The following CDKAL1 variants were observed in gnomAD, a reference collection of about 807,000 sequenced individuals.
The protein encoded by CDKAL1 is CDKAL1 threonylcarbamoyladenosine tRNA methylthiotransferase.
A neutral mutation model predicts 68.2 loss-of-function variants in CDKAL1; 32 were observed. The observed-to-expected ratio is 0.47, with a 90% confidence interval of 0.35 to 0.63. The LOEUF (loss-of-function observed/expected upper bound fraction) is 0.63, where lower values mean the gene tolerates loss of function less well. CDKAL1 is among the 30% of genes least tolerant of loss of function. CDKAL1 has a pLI of 0.00. For synonymous variants in CDKAL1, 234 were observed against 244.3 expected (o/e 0.96, Z 0.39); for missense variants, 606 against 696.7 (o/e 0.87, Z 1.47).
At chr6:21,193,566 A>G (rs1333712225) in intron 13 of CDKAL1, among the ~76,000 whole-genome samples, 2 of 152,208 alleles carry the variant, frequency 1.3e-5, no homozygotes, top group East Asian at 1.9e-4. Flanking sequence ...GGCCCAAAAC[A>G]TAGTCAGGTC....
chr6:20,994,447 C>G (rs1766998137), intron 10 of CDKAL1, among the ~76,000 whole-genome samples: 1 of 152,220 alleles, frequency 6.6e-6, no homozygotes, highest in African/African-American at 2.4e-5. Flanking sequence ...CCTCTGCACT[C>G]CAGCCTGGGT....
intron 9 of CDKAL1, among the ~76,000 whole-genome samples, chr6:20,877,553 A>C (rs541605752): frequency 6.6e-6 from 1 of 151,994 alleles, no homozygotes; most frequent in East Asian, 1.9e-4. Context: ...TTTACTAGTG[A>C]CTCACTGTGT....
chr6:20,914,476 A>T (rs1371766053), intron 9 of CDKAL1, among the ~76,000 whole-genome samples: 2 of 151,172 alleles, frequency 1.3e-5, no homozygotes, highest in East Asian at 1.9e-4. Context: ...TGTGTTTATC[A>T]TTTTTTCCTT....
intron 9 of CDKAL1, among the ~76,000 whole-genome samples, chr6:20,940,460 G>A (rs1021061580): frequency 2.0e-5 from 3 of 152,016 alleles, no homozygotes; most frequent in Non-Finnish European, 2.9e-5. Context: ...TCTAGTAGCC[G>A]CATTAAAAAA....
At chr6:21,000,829 C>T (rs941212849) in intron 11 of CDKAL1, among the ~76,000 whole-genome samples, 42 of 152,138 alleles carry the variant, frequency 2.8e-4, no homozygotes, top group African/African-American at 9.4e-4. Context: ...CTTTTACACA[C>T]GAAGCCCTGC....
At chr6:21,206,121 A>G (rs368955526) in intron 15 of CDKAL1, among the ~76,000 whole-genome samples, 40 of 151,962 alleles carry the variant, frequency 2.6e-4, no homozygotes, top group East Asian at 7.7e-4. Flanking sequence ...GTGAGCCACC[A>G]CACCGGACCA....
intron 6 of CDKAL1, among the ~76,000 whole-genome samples, chr6:20,757,949 T>G (rs1278503925): frequency 6.6e-6 from 1 of 152,222 alleles, no homozygotes; most frequent in Non-Finnish European, 1.5e-5. Context: ...TAATCCTGTT[T>G]AATCATAACC....
chr6:20,655,693 C>T (rs937008962), intron 5 of CDKAL1, among the ~76,000 whole-genome samples: 1 of 152,142 alleles, frequency 6.6e-6, no homozygotes. Flanking sequence ...AACACCACAC[C>T]TCCCACCCCC....
chr6:21,026,297 C>G (rs1582052700), intron 11 of CDKAL1, among the ~76,000 whole-genome samples: 3 of 152,052 alleles, frequency 2.0e-5, no homozygotes, highest in African/African-American at 7.2e-5. Context: ...TTTATATATT[C>G]AAAATATTCT....
chr6:21,205,746 T>C (rs1401362805), intron 15 of CDKAL1, among the ~76,000 whole-genome samples: 12 of 150,844 alleles, frequency 8.0e-5, no homozygotes, highest in Non-Finnish European at 1.2e-4. Flanking sequence ...TTAGCCAGGA[T>C]GGTCTCGATC....
chr6:20,876,884 TCTTA>T (rs1371895166), intron 9 of CDKAL1, among the ~76,000 whole-genome samples: 3 of 152,366 alleles, frequency 2.0e-5, no homozygotes, highest in African/African-American at 7.2e-5. Flanking sequence ...CTATCTCCTC[TCTTA>T]CTTTTTATTG....
At chr6:20,819,858 ATATT>A (rs1561804541) in intron 8 of CDKAL1, among the ~76,000 whole-genome samples, 1 of 152,084 alleles carries the variant, frequency 6.6e-6, no homozygotes, top group Non-Finnish European at 1.5e-5. Flanking sequence ...TTTTTATTAA[ATATT>A]TAAGAAATAC....
intron 11 of CDKAL1, among the ~76,000 whole-genome samples, chr6:21,017,443 A>G (rs1484753207): frequency 6.6e-6 from 1 of 152,178 alleles, no homozygotes; most frequent in African/African-American, 2.4e-5. Flanking sequence ...GTTACCCAGA[A>G]CAGCCGCCTC....
chr6:20,716,083 G>T (rs890005602), intron 5 of CDKAL1, among the ~76,000 whole-genome samples: 2 of 152,190 alleles, frequency 1.3e-5, no homozygotes, highest in African/African-American at 2.4e-5. Context: ...ATTTGATAAA[G>T]AGTTATTTGG....
At chr6:21,001,549 G>A (rs1280417406) in intron 11 of CDKAL1, among the ~76,000 whole-genome samples, 2 of 151,362 alleles carry the variant, frequency 1.3e-5, no homozygotes, top group African/African-American at 2.4e-5. Flanking sequence ...ATTCAAATCA[G>A]TGCATAGAAG....
chr6:21,002,207 G>C (rs184372622), intron 11 of CDKAL1, among the ~76,000 whole-genome samples: 6 of 152,282 alleles, frequency 3.9e-5, no homozygotes, highest in East Asian at 1.9e-4. Flanking sequence ...GATTTCTTTG[G>C]ATCTGGGTCC....
chr6:20,871,881 A>G (rs559999075), intron 9 of CDKAL1, among the ~76,000 whole-genome samples: 2 of 152,324 alleles, frequency 1.3e-5, no homozygotes, highest in Admixed American at 6.5e-5. Flanking sequence ...ATAACCTTCA[A>G]TTAGTTTACA....
Position 20,763,744 on chromosome 6 carries a change from C to G in CDKAL1, c.517+5101C>G, listed in dbSNP as rs1774571955. ...GTACATTGATACTAAAAGCATTTAACTCTATTGTAATTAACATAAAACCAT... is the reference window on the plus strand; with the variant it reads ...GTACATTGATACTAAAAGCATTTAAGTCTATTGTAATTAACATAAAACCAT... On this transcript the variant is annotated intron_variant, in intron 7 of 15. Coordinates refer to ENST00000274695, the MANE Select transcript of CDKAL1 (RefSeq NM_017774.3). Among the ~76,000 whole-genome samples the G allele has an allele frequency of 2.0e-5, 3 of 152,156 alleles. No individual in the cohort carries two copies. In the South Asian group the frequency reaches 6.2e-4, roughly 31 times the overall value.
intron 9 of CDKAL1, among the ~76,000 whole-genome samples, chr6:20,874,312 T>G (rs2150548526): frequency 6.6e-6 from 1 of 151,482 alleles, no homozygotes; most frequent in African/African-American, 2.4e-5. Flanking sequence ...TTTGTTTGTT[T>G]TTTTTTTGAG....
Sources: gnomAD v4.1 joint callset for allele counts (sites outside exome capture counted in the v4.1 genomes callset) on GRCh38, gnomAD v4.1.1 for gene constraint, MANE v1.5 for transcripts, NCBI Gene and HGNC (gene_info 2026-07-23, HGNC 2026-07-21) for gene names.